The following TLE2 variants were observed in gnomAD, a reference collection of about 807,000 sequenced individuals.
TLE2 encodes TLE family member 2, transcriptional corepressor, also known as transducin-like enhancer protein 2.
In TLE2, 74 loss-of-function variants were observed where a neutral mutation model predicts 97.2. The ratio of observed to expected loss-of-function variants is 0.76; its 90% CI spans 0.63 to 0.92. The LOEUF is 0.92. Ranked by LOEUF, TLE2 falls within the 40% of genes least tolerant of loss-of-function variation. The pLI, the probability that TLE2 is intolerant of heterozygous loss-of-function variation, is 0.00. For synonymous variants in TLE2, 499 were observed against 432.1 expected (o/e 1.15, Z -1.92); for missense variants, 1,038 against 1,008.7 (o/e 1.03, Z -0.39).
At chr19:3,042,000 A>G (rs1320361912) in intron 1 of TLE2, among the ~76,000 whole-genome samples, 1 of 151,598 alleles carries the variant, frequency 6.6e-6, no homozygotes, top group Non-Finnish European at 1.5e-5. Flanking sequence ...CTGCGGGGGA[A>G]CCCACCATTA....
At chr19:3,028,205 T>C (rs1323693243) in intron 3 of TLE2, 114 bp downstream of exon 3, 1 of 1,134,982 alleles carries the variant, frequency 8.8e-7, no homozygotes. Flanking sequence ...ACCTGCCCAA[T>C]GTACAGACGG....
At chr19:3,024,472 G>A (rs2145198337) in intron 5 of TLE2, among the ~76,000 whole-genome samples, 1 of 151,672 alleles carries the variant, frequency 6.6e-6, no homozygotes, top group South Asian at 2.1e-4. Context: ...CCAACCCCTG[G>A]CACCCCCCAT....
At chr19:3,031,429 C>T (rs1213875939), upstream of TLE2, among the ~76,000 whole-genome samples, 1 of 151,562 alleles carries the variant, frequency 6.6e-6, no homozygotes, top group Non-Finnish European at 1.5e-5. Context: ...TAAATCCAAA[C>T]TCATCTCTCT....
chr19:3,027,914 T>C (rs905457435), intron 3 of TLE2, 41 bp from the exon 4 acceptor site: 1 of 1,585,888 alleles, frequency 6.3e-7, no homozygotes, highest in African/African-American at 1.3e-5. Flanking sequence ...AGGGTGGAGA[T>C]GGGTGCCCTC....
chr19:3,021,280 C>CT (rs772868443), intron 5 of TLE2, among the ~76,000 whole-genome samples: 2 of 151,366 alleles, frequency 1.3e-5, no homozygotes, highest in Non-Finnish European at 2.9e-5. Flanking sequence ...TGGCATGCAC[C>CT]TGTAATCCCA....
chr19:3,027,972 G>T (rs1483760387), intron 3 of TLE2, 99 bp from the exon 4 acceptor site: 3 of 1,251,898 alleles, frequency 2.4e-6, no homozygotes, highest in East Asian at 2.5e-5. Flanking sequence ...CAGGTTCAGG[G>T]GAATCACAGC....
At chr19:3,032,268 T>C (rs985831104), upstream of TLE2, among the ~76,000 whole-genome samples, 4 of 150,892 alleles carry the variant, frequency 2.7e-5, no homozygotes, top group Non-Finnish European at 5.9e-5. The surrounding 1 kb of genome is among the most constrained non-coding windows in gnomAD (Gnocchi z 4.1). Context: ...TGAGACGGAG[T>C]CTCATTCTGT....
Position 3,005,811 on chromosome 19 carries a change from A to G in TLE2, c.1658T>C (p.Leu553Pro). 1 of 1,614,014 alleles carries G rather than the reference A, an allele frequency of 6.2e-7. No homozygotes were observed. The highest frequency in any genetic ancestry group is 1.3e-5 in the African/African-American group (1 of 75,062). Residue 553 changes from leucine to proline, a missense_variant, in exon 16 of 20, where the codon CTG becomes CCG. Physicochemically the swap from Leu to Pro is moderately conservative, Grantham distance 98. Coordinates refer to ENST00000262953, the MANE Select transcript of TLE2 (RefSeq NM_003260.5). ...AACCTTGGCGTCGGGGCTGACGGCC[A>G]GGGCGTAGCAGGCTGGGGCTGAGGA... ...LTSSAPACYA[L>P]AVSPDAKVCF...
At chr19:3,042,886 A>G (rs2090115123) in intron 1 of TLE2, among the ~76,000 whole-genome samples, 1 of 152,184 alleles carries the variant, frequency 6.6e-6, no homozygotes, top group African/African-American at 2.4e-5. Context: ...GGACAAAGAC[A>G]GACATTACCC....
At chr19:3,006,183 T>C (rs777724474) in intron 15 of TLE2, 4 of 945,796 alleles carry the variant, frequency 4.2e-6, no homozygotes, top group South Asian at 1.3e-5. Flanking sequence ...GCCCCACCCA[T>C]GGTTGGCCTG....
At chr19:3,025,342 C>T (rs1285619376) in intron 4 of TLE2, 3 of 1,250,056 alleles carry the variant, frequency 2.4e-6, no homozygotes, top group Non-Finnish European at 3.0e-6. Context: ...GTCACAGATA[C>T]ACCACCCGCC....
chr19:3,017,960 C>T lies in TLE2; in HGVS notation c.551-101G>A, dbSNP rs7259652. ...CAGCCCTCCAGTTTATAAAGCCCCC[C>T]GCCCCCACCACCCCACTCAGAGTCT... On this transcript the variant is annotated intron_variant, in intron 7 of 19. Coordinates refer to ENST00000262953, the MANE Select transcript of TLE2 (RefSeq NM_003260.5). 0.012 allele frequency: 13,175 copies of T among 1,083,316 alleles called. 1,134 individuals carry two copies. In the African/African-American group the frequency reaches 0.18, roughly 15 times the overall value. The allele number at this position is 1,083,316 out of a possible 1,614,324, so 67.1% of individuals were successfully genotyped here.
chr19:3,016,250 C>T (rs1036694640), intron 8 of TLE2, among the ~76,000 whole-genome samples: 1 of 150,598 alleles, frequency 6.6e-6, no homozygotes, highest in African/African-American at 2.4e-5. Context: ...ACTTCTTCTG[C>T]AACCTCTCTG....
At chr19:3,000,767 G>A (rs769393885) in intron 18 of TLE2, 44 bp from the exon 19 acceptor site, 44 of 1,494,556 alleles carry the variant, frequency 2.9e-5, no homozygotes, top group East Asian at 2.0e-4. Flanking sequence ...GGGCACTAAC[G>A]AGAGACCCGG....
At chr19:3,032,001 C>T (rs1436372290), upstream of TLE2, among the ~76,000 whole-genome samples, 1 of 152,116 alleles carries the variant, frequency 6.6e-6, no homozygotes, top group Non-Finnish European at 1.5e-5. This position sits in a 1 kb window ranked among gnomAD's most constrained non-coding sequence, Gnocchi z 4.1. Context: ...GATCTCGGCT[C>T]ACTGCTGCAA....
chr19:3,000,791 G>T, intron 18 of TLE2, 68 bp from the exon 19 acceptor site: 1 of 1,274,332 alleles, frequency 7.8e-7, no homozygotes, highest in Non-Finnish European at 1.1e-6. Flanking sequence ...GCAGGGGGAG[G>T]TCGGGGAAGC....
intron 19 of TLE2, among the ~76,000 whole-genome samples, chr19:3,000,441 G>A (rs2089331038): frequency 3.3e-5 from 5 of 151,982 alleles, no homozygotes; most frequent in Non-Finnish European, 7.4e-5. Flanking sequence ...AAACCAACAG[G>A]CTACGGGCAG....
intron 1 of TLE2, among the ~76,000 whole-genome samples, chr19:3,043,714 G>A (rs1250417117): frequency 1.3e-5 from 2 of 152,032 alleles, no homozygotes; most frequent in African/African-American, 2.4e-5. Context: ...GGAGGCTGAG[G>A]CAGGAGAATG....
chr19:3,025,447 G>A, intron 4 of TLE2: 1 of 1,053,882 alleles, frequency 9.5e-7, no homozygotes, highest in African/African-American at 1.7e-5. Flanking sequence ...CTGAAACAAA[G>A]GAAAGGGGCC....
Sources: allele counts gnomAD v4.1 joint callset (sites outside exome capture counted in the v4.1 genomes callset), GRCh38; gene constraint gnomAD v4.1.1; non-coding constraint Gnocchi (gnomAD v3.1); transcripts MANE v1.5; gene names NCBI Gene and HGNC (gene_info 2026-07-23, HGNC 2026-07-21).